MTX2: variants seen among roughly 807,000 people sequenced by gnomAD.
MTX2 encodes metaxin 2.
In MTX2, 35 loss-of-function variants were observed where a neutral mutation model predicts 42.3. That is an observed-to-expected ratio of 0.83 (90% CI 0.63 to 1.10). MTX2 has a LOEUF of 1.10. Ranked by LOEUF, MTX2 falls within the 50% of genes least tolerant of loss-of-function variation. The pLI is 0.00. For missense variants in MTX2, 307 were observed against 304.1 expected (o/e 1.01, Z -0.07); for synonymous variants, 119 against 100.9 (o/e 1.18, Z -1.08).
intron 3 of MTX2, among the ~76,000 whole-genome samples, chr2:176,298,202 G>C (rs754589419): frequency 2.0e-5 from 3 of 151,762 alleles, no homozygotes; most frequent in Non-Finnish European, 4.4e-5. Context: ...ATATGATGGT[G>C]TTGATTATTT....
chr2:176,307,517 G>A (rs1006728168), intron 3 of MTX2, among the ~76,000 whole-genome samples: 2 of 152,148 alleles, frequency 1.3e-5, no homozygotes, highest in Non-Finnish European at 2.9e-5. Flanking sequence ...TCACGATATT[G>A]ATTTTTCCTA....
In MTX2 at chr2:176,323,414, T is replaced by C; in HGVS notation, c.158T>C (p.Leu53Ser). The change falls in exon 4 of 10, where the codon TTG becomes TCG. Residue 53 changes from leucine to serine, a missense_variant. Physicochemically the swap from Leu to Ser is moderately radical, Grantham distance 145. Transcript: ENST00000249442. ...AVQAFLQMCN[L>S]PIKVVCRANA... ...CAGGCCTTTTTGCAAATGTGTAACTTGCCTATCAAAGTAGTTTGTAGGGCA... is the reference window on the plus strand; with the variant it reads ...CAGGCCTTTTTGCAAATGTGTAACTCGCCTATCAAAGTAGTTTGTAGGGCA... 4 of 1,611,496 alleles carry C rather than the reference T, an allele frequency of 2.5e-6. No homozygotes were observed. The highest frequency in any genetic ancestry group is 3.4e-6 in the Non-Finnish European group (4 of 1,178,312).
At chr2:176,329,190 G>C in intron 7 of MTX2, 111 bp from the exon 8 acceptor site, 1 of 1,272,958 alleles carries the variant, frequency 7.9e-7, no homozygotes, top group Non-Finnish European at 1.1e-6. Context: ...ATTTTTTTCA[G>C]ATTGCTCTAT....
At chr2:176,295,061 A>G (rs981468007) in intron 1 of MTX2, among the ~76,000 whole-genome samples, 1 of 152,206 alleles carries the variant, frequency 6.6e-6, no homozygotes. Context: ...TTAATCAAAT[A>G]TCTTCTTTCT....
At chr2:176,316,698 C>T (rs1227974907) in intron 3 of MTX2, among the ~76,000 whole-genome samples, 4 of 152,146 alleles carry the variant, frequency 2.6e-5, no homozygotes, top group Admixed American at 1.3e-4. Flanking sequence ...CCACCTTGCC[C>T]AGCCAACCTT....
At chr2:176,305,210 T>C (rs935815588) in intron 3 of MTX2, among the ~76,000 whole-genome samples, 1 of 152,064 alleles carries the variant, frequency 6.6e-6, no homozygotes, top group Non-Finnish European at 1.5e-5. Context: ...ATTGAGTTAC[T>C]ATTAGTTAAT....
intron 3 of MTX2, among the ~76,000 whole-genome samples, chr2:176,310,265 C>T (rs746060146): frequency 3.6e-5 from 5 of 137,610 alleles, no homozygotes; most frequent in Admixed American, 7.2e-5. Context: ...GGGTTTCTGC[C>T]GAGAGATCTG....
chr2:176,319,992 T>C (rs565361343), intron 3 of MTX2, among the ~76,000 whole-genome samples: 155 of 152,310 alleles, frequency 1.0e-3, no homozygotes, highest in African/African-American at 3.5e-3. Flanking sequence ...TTTGCATTTT[T>C]AAAGTTTGGA....
At chr2:176,283,756 CTA>C (rs1270950301) in intron 1 of MTX2, among the ~76,000 whole-genome samples, 1 of 152,166 alleles carries the variant, frequency 6.6e-6, no homozygotes, top group Non-Finnish European at 1.5e-5. Context: ...TTTTCTGTCT[CTA>C]GAGTTAGATT....
intron 4 of MTX2, among the ~76,000 whole-genome samples, chr2:176,324,054 T>A (rs1011194805): frequency 6.6e-6 from 1 of 151,538 alleles, no homozygotes; most frequent in Non-Finnish European, 1.5e-5. Flanking sequence ...AATAAATAAT[T>A]CAAAATTTTT....
At chr2:176,278,962 A>G (rs1693015242) in intron 1 of MTX2, among the ~76,000 whole-genome samples, 1 of 152,136 alleles carries the variant, frequency 6.6e-6, no homozygotes. Context: ...ACTTTTTTAC[A>G]TCAGTAATAA....
chr2:176,333,862 G>A (rs541457172), intron 9 of MTX2, among the ~76,000 whole-genome samples: 2 of 151,626 alleles, frequency 1.3e-5, no homozygotes, highest in Admixed American at 1.3e-4. Flanking sequence ...TAGCAATAGG[G>A]TGTACCATAT....
At chr2:176,319,276 T>C (rs1399158986) in intron 3 of MTX2, among the ~76,000 whole-genome samples, 1 of 152,170 alleles carries the variant, frequency 6.6e-6, no homozygotes, top group Non-Finnish European at 1.5e-5. Flanking sequence ...GGAGTATTTT[T>C]TGTGCTGATA....
Position 176,328,876 on chromosome 2 carries a change from G to C in MTX2, c.381G>C (p.Leu127=). Residue 127 remains leucine, a splice_region_variant and synonymous_variant, in exon 7 of 10, where the codon CTG becomes CTC. Transcript: ENST00000249442. Reference sequence around the variant, plus strand: ...AGTGACTGTTCTTTTGTTCCTAGCTGTATCTTCAGTGGTGTGATGAAGCTA... The same window carrying C: ...AGTGACTGTTCTTTTGTTCCTAGCTCTATCTTCAGTGGTGTGATGAAGCTA... ...LVNNMLLTAE[L]YLQWCDEATV... is the part of the protein sequence containing the mutation. 1.2e-6 allele frequency: 2 copies of C among 1,606,438 alleles called. No homozygotes were observed. Among genetic ancestry groups the C allele is most frequent in the Middle Eastern group, 1.7e-4 (1 of 5,908 alleles).
At chr2:176,279,773 T>C (rs1693035813) in intron 1 of MTX2, among the ~76,000 whole-genome samples, 1 of 152,160 alleles carries the variant, frequency 6.6e-6, no homozygotes, top group South Asian at 2.1e-4. Context: ...AACAGTTTTC[T>C]CCTTTTTGCC....
At chr2:176,299,028 G>A (rs1309234517) in intron 3 of MTX2, among the ~76,000 whole-genome samples, 1 of 152,116 alleles carries the variant, frequency 6.6e-6, no homozygotes, top group East Asian at 1.9e-4. Context: ...AAGTGCTGAA[G>A]TAATTTTCAT....
At chr2:176,311,888 T>C (rs1307019525) in intron 3 of MTX2, among the ~76,000 whole-genome samples, 1 of 152,188 alleles carries the variant, frequency 6.6e-6, no homozygotes, top group Non-Finnish European at 1.5e-5. Flanking sequence ...CTGCTTTTCC[T>C]AGCCCTCCAT....
At chr2:176,303,592 T>C (rs1684076844) in intron 3 of MTX2, among the ~76,000 whole-genome samples, 1 of 152,126 alleles carries the variant, frequency 6.6e-6, no homozygotes, top group South Asian at 2.1e-4. Flanking sequence ...TATTTCAGTA[T>C]ATAAAATGTG....
chr2:176,301,595 T>C (rs1413128936), intron 3 of MTX2, among the ~76,000 whole-genome samples: 1 of 152,082 alleles, frequency 6.6e-6, no homozygotes, highest in East Asian at 1.9e-4. Context: ...ACATAAATAG[T>C]ATGTGGCACA....
Sources: allele counts gnomAD v4.1 joint callset (sites outside exome capture counted in the v4.1 genomes callset), GRCh38; gene constraint gnomAD v4.1.1; transcripts MANE v1.5; gene names NCBI Gene and HGNC (gene_info 2026-07-23, HGNC 2026-07-21).